Variants in ANKUB1 observed in about 807,000 individuals in gnomAD.
ANKUB1 encodes the protein ankyrin repeat and ubiquitin domain containing 1.
Under a neutral mutation model 49.3 loss-of-function variants are expected in ANKUB1, and 42 were observed. The ratio of observed to expected loss-of-function variants is 0.85; its 90% CI spans 0.67 to 1.10. The LOEUF (loss-of-function observed/expected upper bound fraction) is 1.10. ANKUB1 is among the 50% of genes least tolerant of loss of function. The pLI, the probability that ANKUB1 is intolerant of heterozygous loss-of-function variation, is 0.00. For missense variants in ANKUB1, 613 were observed against 642.0 expected (o/e 0.95, Z 0.49); for synonymous variants, 222 against 231.0 (o/e 0.96, Z 0.35).
At chr3:149,788,982 C>G (rs190175953) in intron 2 of ANKUB1, among the ~76,000 whole-genome samples, 6 of 151,972 alleles carry the variant, frequency 3.9e-5, no homozygotes, top group Admixed American at 3.9e-4. Context: ...ACCATGTTGG[C>G]CAGACTGGTC....
In ANKUB1 at chr3:149,792,438, C is replaced by T. The variant is rs1010762845; in HGVS notation, c.-72G>A. ...TTCTCCTGGATGGCTAGAAAAATTCCGGTTCACAATTAAGGACAAAAATGA... is the reference window on the plus strand; with the variant it reads ...TTCTCCTGGATGGCTAGAAAAATTCTGGTTCACAATTAAGGACAAAAATGA... On this transcript the variant is annotated 5_prime_UTR_variant, in exon 1 of 6. Transcript: ENST00000446160. The T allele has an allele frequency of 3.1e-5, 39 of 1,245,420 alleles. No homozygotes were observed. The highest frequency in any genetic ancestry group is 2.6e-4 in the South Asian group (15 of 57,512). 77.1% of individuals were successfully genotyped at this position (1,245,420 alleles called of 1,614,324 possible). A position where few individuals can be genotyped will look rare whatever the true frequency, so the allele number is the denominator to read the frequency against.
intron 2 of ANKUB1, among the ~76,000 whole-genome samples, chr3:149,787,784 T>C (rs1393691536): frequency 6.6e-6 from 1 of 152,236 alleles, no homozygotes; most frequent in Non-Finnish European, 1.5e-5. Flanking sequence ...TCTGTATTTA[T>C]CCAGTGTCTT....
intron 3 of ANKUB1, among the ~76,000 whole-genome samples, chr3:149,774,721 A>G (rs1463108642): frequency 6.6e-6 from 1 of 152,210 alleles, no homozygotes; most frequent in Non-Finnish European, 1.5e-5. Flanking sequence ...CCTTGCAATG[A>G]AACAGTCCTG....
chr3:149,789,134 T>C (rs1718244083), intron 2 of ANKUB1, among the ~76,000 whole-genome samples: 1 of 151,876 alleles, frequency 6.6e-6, no homozygotes, highest in Admixed American at 6.6e-5. Context: ...GTGAACATAC[T>C]ACCTAGTCAA....
intron 5 of ANKUB1, among the ~76,000 whole-genome samples, chr3:149,762,698 T>A (rs1716831230): frequency 6.6e-6 from 1 of 152,208 alleles, no homozygotes; most frequent in Non-Finnish European, 1.5e-5. Context: ...GGAACTTACT[T>A]CATGAAAAAG....
chr3:149,774,054 T>G (rs1559865548), intron 3 of ANKUB1, among the ~76,000 whole-genome samples: 1 of 152,182 alleles, frequency 6.6e-6, no homozygotes, highest in African/African-American at 2.4e-5. Flanking sequence ...TCAGTGTTCC[T>G]GTTCATCCTG....
intron 1 of ANKUB1, 37 bp from the exon 2 acceptor site, chr3:149,790,961 C>T (rs1559873249): frequency 6.5e-7 from 1 of 1,532,104 alleles, no homozygotes; most frequent in Non-Finnish European, 8.8e-7. Flanking sequence ...AACAGTACAT[C>T]CTTACGTTAC....
intron 3 of ANKUB1, among the ~76,000 whole-genome samples, chr3:149,773,383 G>T (rs145996446): frequency 1.3e-5 from 2 of 152,070 alleles, no homozygotes; most frequent in Non-Finnish European, 2.9e-5. Flanking sequence ...CCTGACCTGC[G>T]TTACTACCCT....
intron 3 of ANKUB1, among the ~76,000 whole-genome samples, chr3:149,776,203 GCATCTTGAAAACAGTCT>G (rs937346904): frequency 1.3e-4 from 20 of 152,188 alleles, no homozygotes; most frequent in African/African-American, 4.8e-4. Context: ...ACTTTTACCA[GCATCTTGAAAACAGTCT>G]CATCATCTGT....
intron 1 of ANKUB1, among the ~76,000 whole-genome samples, chr3:149,791,705 G>A (rs1522246): frequency 0.68 from 103,531 of 152,062 alleles, 35,763 homozygotes; most frequent in East Asian, 0.9. Flanking sequence ...ATTTTAGAGT[G>A]AACATTTATA....
intron 5 of ANKUB1, among the ~76,000 whole-genome samples, chr3:149,765,509 C>G (rs1160977692): frequency 6.6e-6 from 1 of 152,020 alleles, no homozygotes; most frequent in African/African-American, 2.4e-5. Context: ...ACAACAGACA[C>G]TGTCAGCTTT....
chr3:149,766,594 G>A (rs1408274673), intron 5 of ANKUB1: 5 of 420,526 alleles, frequency 1.2e-5, no homozygotes, highest in Non-Finnish European at 2.2e-5. Flanking sequence ...GAGCCCAGGA[G>A]TTTGAGACCA....
intron 5 of ANKUB1, 47 bp from the exon 6 acceptor site, chr3:149,761,660 G>T: frequency 6.6e-7 from 1 of 1,519,834 alleles, no homozygotes; most frequent in Non-Finnish European, 8.9e-7. Context: ...GATCTTGTCT[G>T]CATACATAGC....
At chr3:149,783,303 G>A (rs966630911) in intron 2 of ANKUB1, 8 of 152,168 alleles carry the variant, frequency 5.3e-5, no homozygotes, top group African/African-American at 1.9e-4. Context: ...CAGAAGGCTG[G>A]TCAGTCACAA....
chr3:149,761,372 T>C lies in ANKUB1; in HGVS notation c.*112A>G, dbSNP rs971113386. ...TATCCTATTAAAAGTTATGTGGCAT[T>C]ATAACTGTTACTAGAGATGATAACA... On this transcript the variant is annotated 3_prime_UTR_variant, in exon 6 of 6. Transcript: ENST00000446160. 1.6e-6 allele frequency: 2 copies of C among 1,252,328 alleles called. No homozygotes were observed. Among genetic ancestry groups the C allele is most frequent in the Non-Finnish European group, 2.2e-6 (2 of 918,934 alleles). 77.6% of individuals were successfully genotyped at this position (1,252,328 alleles called of 1,614,324 possible).
intron 2 of ANKUB1, chr3:149,783,243 A>G (rs751601976): frequency 6.6e-6 from 1 of 152,208 alleles, no homozygotes; most frequent in African/African-American, 2.4e-5. Flanking sequence ...AAGAGAAGGC[A>G]TCTCTACCTC....
At chr3:149,781,535 T>C (rs1717870035) in intron 2 of ANKUB1, among the ~76,000 whole-genome samples, 1 of 152,218 alleles carries the variant, frequency 6.6e-6, no homozygotes, top group Non-Finnish European at 1.5e-5. Flanking sequence ...ACCTGGTATC[T>C]GGCCTTCAGG....
rs1559862495 is a variant in ANKUB1, at chr3:149,767,864, G to A, written c.798C>T (p.Cys266=). ...GTCCTGCTGCATTTTTGCATTCCAG[G>A]CACAGCACACTGTAGTTGACAAAGG... is the stretch of plus-strand genomic sequence containing the variant. The part of the protein sequence containing the change: ...LKAFVNYSVL[C]LECKNAAGQT... The change falls in exon 5 of 6, where the codon TGC becomes TGT. Residue 266 remains cysteine (C), a synonymous_variant. Coordinates refer to ENST00000446160, the MANE Select transcript of ANKUB1 (RefSeq NM_001144960.3). 6.4e-7 allele frequency: 1 copy of A among 1,551,666 alleles called. No individual in the cohort carries two copies. The highest frequency in any genetic ancestry group is 1.2e-5 in the South Asian group (1 of 84,060).
intron 2 of ANKUB1, chr3:149,783,372 T>C (rs1717952765): frequency 6.6e-6 from 1 of 152,216 alleles, no homozygotes; most frequent in Non-Finnish European, 1.5e-5. Flanking sequence ...GTTGGACATG[T>C]ACAAAATTAG....
Sources: gnomAD v4.1 joint callset for allele counts (sites outside exome capture counted in the v4.1 genomes callset) on GRCh38, gnomAD v4.1.1 for gene constraint, MANE v1.5 for transcripts, NCBI Gene and HGNC (gene_info 2026-07-23, HGNC 2026-07-21) for gene names.